KMT2A: variants seen among roughly 807,000 people sequenced by gnomAD.
KMT2A encodes the protein lysine methyltransferase 2A.
Under a neutral mutation model 345.3 loss-of-function variants are expected in KMT2A, and 16 were observed. That is an observed-to-expected ratio of 0.05 (90% CI 0.03 to 0.07). The LOEUF (loss-of-function observed/expected upper bound fraction) is 0.07, where lower values mean the gene tolerates loss of function less well. Among genes scored for constraint, KMT2A ranks in the 10% least tolerant of loss-of-function variants. The probability of loss-of-function intolerance (pLI) is 1.00; values close to 1 mark genes in which losing one functional copy is unlikely to be tolerated. For missense variants in KMT2A, 3,272 were observed against 4,841.6 expected (o/e 0.68, Z 9.62); for synonymous variants, 1,599 against 1,778.6 (o/e 0.90, Z 2.54).
At chr11:118,451,544 C>T (rs1949537599) in intron 1 of KMT2A, among the ~76,000 whole-genome samples, 1 of 152,158 alleles carries the variant, frequency 6.6e-6, no homozygotes, top group South Asian at 2.1e-4. Flanking sequence ...CATGCCACCA[C>T]ATCTGGCTAA....
chr11:118,490,218 G>A lies in KMT2A; in HGVS notation c.4665G>A (p.Leu1555=), dbSNP rs201784858. The part of the protein sequence containing the change: ...WDAQWSHDFS[L]CHDCAKLFAK... ...CACAGTGGTCTCATGATTTCTCACT[G>A]TGTCATGATTGCGCCAAGCTCTTTG... The change falls in exon 13 of 36, where the codon CTG becomes CTA. Residue 1555 remains leucine, a synonymous_variant. Coordinates refer to ENST00000534358, the MANE Select transcript of KMT2A (RefSeq NM_001197104.2). This position sits in a 1 kb window ranked among gnomAD's most constrained non-coding sequence, Gnocchi z 4.2. 2.5e-5 allele frequency: 40 copies of A among 1,577,220 alleles called. No homozygotes were observed. Among genetic ancestry groups the A allele is most frequent in the Non-Finnish European group, 3.3e-5 (39 of 1,170,246 alleles).
rs1241406220 is a variant in KMT2A, at chr11:118,525,977, T to C, written c.*3805T>C. 4.5e-6 allele frequency: 1 copy of C among 220,620 alleles called. No homozygotes were observed. Among genetic ancestry groups the C allele is most frequent in the Non-Finnish European group, 9.1e-6 (1 of 110,196 alleles). 13.7% of individuals were successfully genotyped at this position (220,620 alleles called of 1,614,324 possible). Reference sequence around the variant, plus strand: ...TTGTTTGTTTTGGTTTTCAAATAAATATAAATATGATATATATAGGAACTA... The same window carrying C: ...TTGTTTGTTTTGGTTTTCAAATAAACATAAATATGATATATATAGGAACTA... On this transcript the variant is annotated 3_prime_UTR_variant, in exon 36 of 36. Coordinates refer to ENST00000534358, the MANE Select transcript of KMT2A (RefSeq NM_001197104.2).
At chr11:118,487,717 C>CA (rs1555041275) in intron 10 of KMT2A, among the ~76,000 whole-genome samples, 1 of 152,068 alleles carries the variant, frequency 6.6e-6, no homozygotes, top group Admixed American at 6.6e-5. Context: ...GGTATAATTA[C>CA]CAAATCAGGA....
intron 2 of KMT2A, among the ~76,000 whole-genome samples, chr11:118,470,310 T>C (rs1245483564): frequency 1.3e-5 from 2 of 152,214 alleles, no homozygotes; most frequent in Non-Finnish European, 2.9e-5. Flanking sequence ...TTGTTGTTTT[T>C]GTTTTTGTTT....
chr11:118,445,271 A>G (rs913723299), intron 1 of KMT2A, among the ~76,000 whole-genome samples: 2 of 152,208 alleles, frequency 1.3e-5, no homozygotes, highest in Non-Finnish European at 1.5e-5. Context: ...TATTAAAGAT[A>G]AGGCAAAAAA....
chr11:118,477,475 T>C (rs1009140799), intron 4 of KMT2A, among the ~76,000 whole-genome samples: 6 of 150,018 alleles, frequency 4.0e-5, no homozygotes, highest in Non-Finnish European at 8.9e-5. Flanking sequence ...GAATTTTGCT[T>C]TCATCAAGAT....
chr11:118,436,664 C>T lies in KMT2A; in HGVS notation c.152C>T (p.Pro51Leu). 2.5e-6 allele frequency: 3 copies of T among 1,208,156 alleles called. No homozygotes were observed. The highest frequency in any genetic ancestry group is 3.1e-6 in the Non-Finnish European group (3 of 970,490). The allele number at this position is 1,208,156 out of a possible 1,614,324, so 74.8% of individuals were successfully genotyped here. Residue 51 changes from proline to leucine, a missense_variant, in exon 1 of 36, where the codon CCC (proline) becomes CTC (leucine). Coordinates refer to ENST00000534358, the MANE Select transcript of KMT2A (RefSeq NM_001197104.2). The surrounding 1 kb of genome is among the most constrained non-coding windows in gnomAD (Gnocchi z 6.9). ...GGGCCCCCGGTCGGCGGTGGCGGCC[C>T]CGGGGCGCCCCCCTCCCCCCCGGCT... ...PPGPPVGGGG[P>L]GAPPSPPAVA...
At chr11:118,475,559 T>TA (rs1235722143) in intron 3 of KMT2A, among the ~76,000 whole-genome samples, 1 of 152,034 alleles carries the variant, frequency 6.6e-6, no homozygotes, top group Non-Finnish European at 1.5e-5. Context: ...CTGTCTCTAC[T>TA]AAAAATCCAA....
chr11:118,453,631 C>T (rs945069766), intron 1 of KMT2A, among the ~76,000 whole-genome samples: 1 of 152,206 alleles, frequency 6.6e-6, no homozygotes, highest in Non-Finnish European at 1.5e-5. Context: ...GACTACTTCT[C>T]AGAGTTCCAG....
Position 118,522,812 on chromosome 11 carries a change from G to A in KMT2A, c.*640G>A. 4.7e-6 allele frequency: 1 copy of A among 215,052 alleles called. No homozygotes were observed. Among genetic ancestry groups the A allele is most frequent in the Non-Finnish European group, 9.4e-6 (1 of 106,340 alleles). The allele number at this position is 215,052 out of a possible 1,614,324, so 13.3% of individuals were successfully genotyped here. ...CCTGCAGGCTTTGAGTGGGAGTGTT[G>A]CCCCCAGGAGCCTTATCTCAGCCAA... On this transcript the variant is annotated 3_prime_UTR_variant, in exon 36 of 36. Coordinates refer to ENST00000534358, the MANE Select transcript of KMT2A (RefSeq NM_001197104.2). This position sits in a 1 kb window ranked among gnomAD's most constrained non-coding sequence, Gnocchi z 5.4.
At position 118,491,088 on chromosome 11, in the gene KMT2A, A is replaced by T; in HGVS notation, c.4697-108A>T. ...CAGTAGATCCATGCTGGTGTTCATG[A>T]TCCCAGAAGAATATAGATTTAGATT... On this transcript the variant is annotated intron_variant, in intron 13 of 35. Transcript: ENST00000534358. The surrounding 1 kb of genome is among the most constrained non-coding windows in gnomAD (Gnocchi z 4.2). 8.9e-7 allele frequency: 1 copy of T among 1,128,116 alleles called. No homozygotes were observed. The allele number at this position is 1,128,116 out of a possible 1,614,324, so 69.9% of individuals were successfully genotyped here. A position where few individuals can be genotyped will look rare whatever the true frequency, so the allele number is the denominator to read the frequency against.
rs188687710 is a variant in KMT2A, at chr11:118,518,251, G to T, written c.11147-1367G>T. On this transcript the variant is annotated intron_variant, in intron 31 of 35. Transcript: ENST00000534358. ...AAAAAGAAGTGTGGCAGTTGTAATT[G>T]TGCCCTGTCCCTTTAATGGAAAAAG... is the stretch of plus-strand genomic sequence containing the variant. 1.1e-3 allele frequency among the ~76,000 whole-genome samples: 160 copies of T among 152,298 alleles called. 2 individuals carry two copies. Among genetic ancestry groups the T allele is most frequent in the African/African-American group, 3.5e-3 (146 of 41,550 alleles).
chr11:118,470,656 G>A (rs1187234388), intron 2 of KMT2A, among the ~76,000 whole-genome samples: 1 of 152,072 alleles, frequency 6.6e-6, no homozygotes, highest in African/African-American at 2.4e-5. Flanking sequence ...AACCTTTGTT[G>A]ACTTCTGTTC....
rs1950538743 is a variant in KMT2A, at chr11:118,503,736, T to A, written c.7844T>A (p.Phe2615Tyr). Residue 2615 changes from phenylalanine (F) to tyrosine (Y), a missense_variant, in exon 27 of 36, where the codon TTT becomes TAT. Coordinates refer to ENST00000534358, the MANE Select transcript of KMT2A (RefSeq NM_001197104.2). This position sits in a 1 kb window ranked among gnomAD's most constrained non-coding sequence, Gnocchi z 5.3. The part of the protein sequence containing the change: ...DGPKPQEDGS[F>Y]KRRYPRRSAR... ...CCCAAACCTCAGGAGGATGGCTCTT[T>A]TAAAAGGAGGTATCCCCGTCGCAGT... The A allele has an allele frequency of 3.1e-6, 5 of 1,614,220 alleles. No homozygotes were observed. Among genetic ancestry groups the A allele is most frequent in the Non-Finnish European group, 4.2e-6 (5 of 1,180,048 alleles).
rs1370871844 is a variant in KMT2A, at chr11:118,505,717, G to A, written c.9825G>A (p.Gly3275=). Reference sequence around the variant, plus strand: ...ATCATCCAAGTCTGTTAGATTTGGGGTCACTTAATACTTCATCTCACCGAA... The same window carrying A: ...ATCATCCAAGTCTGTTAGATTTGGGATCACTTAATACTTCATCTCACCGAA... ...LPNHPSLLDL[G]SLNTSSHRTV... is the part of the protein sequence containing the mutation. The change falls in exon 27 of 36, where the codon GGG becomes GGA. Residue 3275 remains glycine, a synonymous_variant. Coordinates refer to ENST00000534358, the MANE Select transcript of KMT2A (RefSeq NM_001197104.2). This position sits in a 1 kb window ranked among gnomAD's most constrained non-coding sequence, Gnocchi z 4.6. 3 of 1,613,940 alleles carry A rather than the reference G, an allele frequency of 1.9e-6. No individual in the cohort carries two copies. The highest frequency in any genetic ancestry group is 2.7e-5 in the African/African-American group (2 of 74,866).
In KMT2A at chr11:118,525,552, A is replaced by C; in HGVS notation, c.*3380A>C. ...CCGCCACCCTGCTCGCCTCCGTCAA[A>C]CCCCCGGCCAATGCAGTGAGCACCA... is the stretch of plus-strand genomic sequence containing the variant. On this transcript the variant is annotated 3_prime_UTR_variant, in exon 36 of 36. Transcript: ENST00000534358. 4.5e-6 allele frequency: 1 copy of C among 222,938 alleles called. No individual in the cohort carries two copies. Among genetic ancestry groups the C allele is most frequent in the East Asian group, 6.5e-5 (1 of 15,362 alleles). 13.8% of individuals were successfully genotyped at this position (222,938 alleles called of 1,614,324 possible).
rs1950572153 is a variant in KMT2A, at chr11:118,505,845, G to A, written c.9953G>A (p.Gly3318Asp). The change falls in exon 27 of 36, where the codon GGC (glycine) becomes GAC (aspartate). Residue 3318 changes from glycine to aspartate, a missense_variant. Gly to Asp is a moderately conservative substitution (Grantham distance 94). Around this residue, in one of 27 missense-constraint regions of KMT2A, gnomAD observed 748 missense variants for 922.2 expected, o/e 0.81. Transcript: ENST00000534358. The surrounding 1 kb of genome is among the most constrained non-coding windows in gnomAD (Gnocchi z 4.6). ...SVGGTAATAA[G>D]TSTISQDTSH... is the part of the protein sequence containing the mutation. Reference sequence around the variant, plus strand: ...GGAGGAACTGCTGCCACAGCGGCAGGCACATCAACAATAAGCCAGGATACT... The same window carrying A: ...GGAGGAACTGCTGCCACAGCGGCAGACACATCAACAATAAGCCAGGATACT... The A allele has an allele frequency of 6.2e-7, 1 of 1,614,024 alleles. No homozygotes were observed. Among genetic ancestry groups the A allele is most frequent in the South Asian group, 1.1e-5 (1 of 91,078 alleles).
rs1429605185 is a variant in KMT2A, at chr11:118,481,709, C to G, written c.3635-6C>G. The G allele has an allele frequency of 6.9e-6, 11 of 1,602,870 alleles. No individual in the cohort carries two copies. Among genetic ancestry groups the G allele is most frequent in the Non-Finnish European group, 9.4e-6 (11 of 1,176,216 alleles). On this transcript the variant is annotated splice_polypyrimidine_tract_variant and splice_region_variant and intron_variant, in intron 6 of 35. Coordinates refer to ENST00000534358, the MANE Select transcript of KMT2A (RefSeq NM_001197104.2). ...GACAGATGATGTTGTTGTGTTTTTC[C>G]CTCAGCTGTGAAAAAGAAAGAGAAA...
intron 10 of KMT2A, among the ~76,000 whole-genome samples, chr11:118,488,134 C>T (rs985230747): frequency 1.3e-5 from 2 of 152,088 alleles, no homozygotes; most frequent in Non-Finnish European, 2.9e-5. Flanking sequence ...GAGTCGAGAT[C>T]GCACCACTGC....
Sources: gnomAD v4.1 joint callset for allele counts (sites outside exome capture counted in the v4.1 genomes callset) on GRCh38, gnomAD v4.1.1 for gene constraint, gnomAD v4.1.1 regional missense constraint, Gnocchi (gnomAD v3.1) non-coding constraint, MANE v1.5 for transcripts, NCBI Gene and HGNC (gene_info 2026-07-23, HGNC 2026-07-21) for gene names.